Variants in NRG1 observed in about 807,000 individuals in gnomAD.
NRG1 encodes pro-neuregulin-1, membrane-bound isoform.
A neutral mutation model predicts 63.8 loss-of-function variants in NRG1; 18 were observed. That is an observed-to-expected ratio of 0.28 (90% CI 0.19 to 0.42). NRG1 has a LOEUF of 0.42. Ranked by LOEUF, NRG1 falls within the 10% of genes least tolerant of loss-of-function variation. NRG1 has a pLI of 1.00. For missense variants in NRG1, 762 were observed against 814.7 expected (o/e 0.94, Z 0.79); for synonymous variants, 302 against 301.3 (o/e 1.00, Z -0.02).
intron 1 of NRG1, among the ~76,000 whole-genome samples, chr8:32,328,456 A>C (rs1802272368): frequency 6.6e-6 from 1 of 151,626 alleles, no homozygotes; most frequent in South Asian, 2.1e-4. Flanking sequence ...GGAAAATAGA[A>C]TGTTGCCTAA....
At chr8:31,802,479 T>C (rs1302183682) in intron 1 of NRG1, among the ~76,000 whole-genome samples, 1 of 152,140 alleles carries the variant, frequency 6.6e-6, no homozygotes, top group Non-Finnish European at 1.5e-5. Context: ...TTGAAATGTT[T>C]TTTATAGTAG....
chr8:32,196,886 C>G (rs1842998398), intron 1 of NRG1, among the ~76,000 whole-genome samples: 1 of 137,836 alleles, frequency 7.3e-6, no homozygotes, highest in Admixed American at 8.0e-5. Context: ...TAGAATGAGA[C>G]TGCTAGATTT....
chr8:32,026,303 CTT>C (rs1395433304), intron 1 of NRG1: 2 of 152,064 alleles, frequency 1.3e-5, no homozygotes, highest in African/African-American at 4.8e-5. Flanking sequence ...ACTCTTCAGT[CTT>C]TGGGCTACTT....
intron 1 of NRG1, among the ~76,000 whole-genome samples, chr8:32,346,452 C>CAT (rs1284216206): frequency 6.6e-6 from 1 of 151,354 alleles, no homozygotes; most frequent in African/African-American, 2.4e-5. Flanking sequence ...CATAAGCATG[C>CAT]ATATATATAC....
At chr8:32,215,688 C>T (rs747600667) in intron 1 of NRG1, among the ~76,000 whole-genome samples, 2 of 152,120 alleles carry the variant, frequency 1.3e-5, no homozygotes, top group Non-Finnish European at 2.9e-5. Context: ...TCTAAGATGT[C>T]TAGAGTAAGG....
intron 1 of NRG1, among the ~76,000 whole-genome samples, chr8:32,032,332 T>C (rs1448547187): frequency 6.6e-6 from 1 of 152,144 alleles, no homozygotes; most frequent in East Asian, 1.9e-4. Context: ...GGCACCATCT[T>C]AGCTCACCGC....
At chr8:31,854,117 C>T (rs1586824461) in intron 1 of NRG1, among the ~76,000 whole-genome samples, 1 of 152,060 alleles carries the variant, frequency 6.6e-6, no homozygotes, top group East Asian at 1.9e-4. Context: ...CAGGATGATG[C>T]TGGCCTCATA....
intron 5 of NRG1, among the ~76,000 whole-genome samples, chr8:32,668,178 A>C (rs982789096): frequency 1.1e-4 from 17 of 150,608 alleles, no homozygotes; most frequent in Admixed American, 1.1e-3. Flanking sequence ...TCATGACTGC[A>C]CTCCAGCCAG....
chr8:31,925,695 T>C (rs73580633), intron 1 of NRG1, among the ~76,000 whole-genome samples: 2,225 of 86,718 alleles, frequency 0.026, 45 homozygotes, highest in African/African-American at 0.066. Flanking sequence ...TTCTGACCTA[T>C]TTTCTTATTA....
chr8:31,656,243 C>G (rs955215436), intron 1 of NRG1, among the ~76,000 whole-genome samples: 1 of 152,080 alleles, frequency 6.6e-6, no homozygotes, highest in Non-Finnish European at 1.5e-5. Flanking sequence ...AAAGGAAGAC[C>G]CAAAAAGGAT....
At chr8:32,295,955 AAG>A (rs1008114143) in intron 1 of NRG1, among the ~76,000 whole-genome samples, 92 of 135,804 alleles carry the variant, frequency 6.8e-4, no homozygotes, top group African/African-American at 1.4e-3. Context: ...AAAAAAAAAA[AAG>A]AGAGAGAGAG....
At chr8:32,104,030 A>G (rs541810216) in intron 1 of NRG1, among the ~76,000 whole-genome samples, 1 of 152,346 alleles carries the variant, frequency 6.6e-6, no homozygotes, top group South Asian at 2.1e-4. Context: ...GATTCCAAAT[A>G]TAGACATGTG....
At chr8:31,821,314 A>G (rs1351921360) in intron 1 of NRG1, among the ~76,000 whole-genome samples, 1 of 152,106 alleles carries the variant, frequency 6.6e-6, no homozygotes, top group African/African-American at 2.4e-5. Flanking sequence ...TCAAGTCACT[A>G]ATGTTTTAGT....
exon 12 of NRG1, chr8:32,764,117 G>A: frequency 6.2e-7 from 1 of 1,614,092 alleles, no homozygotes; most frequent in Non-Finnish European, 8.5e-7. Context: ...ATAGCCGGCG[G>A]GCCAAAAGAA....
chr8:32,349,369 C>T (rs1805307461), intron 1 of NRG1, among the ~76,000 whole-genome samples: 1 of 152,044 alleles, frequency 6.6e-6, no homozygotes, highest in Admixed American at 6.6e-5. Context: ...ATCCATCTTC[C>T]AGATTCCAAA....
At position 32,467,805 on chromosome 8, in the gene NRG1, G is replaced by A. The variant is rs553462286; in HGVS notation, c.38-128023G>A. 9.7e-4 allele frequency among the ~76,000 whole-genome samples: 148 copies of A among 152,282 alleles called. 1 individual carries two copies. Among genetic ancestry groups the A allele is most frequent in the African/African-American group, 3.3e-3 (138 of 41,548 alleles). On this transcript the variant is annotated intron_variant, in intron 1 of 10. Coordinates refer to the NRG1 transcript ENST00000519301. ...GTGAAAGGTCAATGACATCAGAAAC[G>A]GCCTCAGGGATTTTATAGCCTGGCT...
At chr8:31,851,533 T>A (rs1415647099) in intron 1 of NRG1, among the ~76,000 whole-genome samples, 1 of 152,208 alleles carries the variant, frequency 6.6e-6, no homozygotes. Context: ...ATTAGGTGAG[T>A]GCAAAAGTAA....
chr8:32,479,945 G>A (rs1255926211), intron 1 of NRG1, among the ~76,000 whole-genome samples: 2 of 152,206 alleles, frequency 1.3e-5, no homozygotes, highest in East Asian at 1.9e-4. Flanking sequence ...ACCACGCCCA[G>A]CCCATTCTTG....
chr8:31,664,854 G>A (rs1806362319), intron 1 of NRG1, among the ~76,000 whole-genome samples: 1 of 152,210 alleles, frequency 6.6e-6, no homozygotes, highest in South Asian at 2.1e-4. Flanking sequence ...AAGATAAAGT[G>A]ATATGGAAAG....
Sources: gnomAD v4.1 joint callset for allele counts (sites outside exome capture counted in the v4.1 genomes callset) on GRCh38, gnomAD v4.1.1 for gene constraint, MANE v1.5 for transcripts, NCBI Gene and HGNC (gene_info 2026-07-23, HGNC 2026-07-21) for gene names.